The following MUC5AC variants were observed in gnomAD, a reference collection of about 807,000 sequenced individuals.
MUC5AC encodes mucin-5AC.
A neutral mutation model predicts 169.7 loss-of-function variants in MUC5AC; 158 were observed. That is an observed-to-expected ratio of 0.93 (90% CI 0.82 to 1.06). MUC5AC has a LOEUF of 1.06. Ranked by LOEUF, MUC5AC falls within the 50% of genes least tolerant of loss-of-function variation. The probability of loss-of-function intolerance (pLI) is 0.00; values close to 1 mark genes in which losing one functional copy is unlikely to be tolerated. For missense variants in MUC5AC, 4,359 were observed against 3,089.9 expected, an observed-to-expected ratio of 1.41 and a Z score of -9.74; for synonymous variants, 1,975 against 1,237.0, an observed-to-expected ratio of 1.60 and a Z score of -12.52.
At chr11:1,174,462 G>T in intron 16 of MUC5AC, 34 bp from the exon 17 acceptor site, 1 of 1,337,084 alleles carries the variant, frequency 7.5e-7, no homozygotes, top group Non-Finnish European at 1.0e-6. Flanking sequence ...GTGGGCTGGG[G>T]TCTCTGATGC....
At position 1,182,197 on chromosome 11, in the gene MUC5AC, C is replaced by A. The variant is rs1400083141; in HGVS notation, c.4052C>A (p.Ala1351Glu). The change falls in exon 31 of 49, where the codon GCG becomes GAG. Residue 1351 changes from alanine to glutamate, a missense_variant. Physicochemically the swap from Ala to Glu is moderately radical, Grantham distance 107. Coordinates refer to ENST00000621226, the MANE Select transcript of MUC5AC (RefSeq NM_001304359.2). ...THTPSNGPSS[A>E]HTGPPSSAWP... ...ACCCCCAGCAATGGCCCAAGCAGCG[C>A]GCACACAGGCCCTCCGAGCAGCGCC... 1 of 398,604 alleles carries A rather than the reference C, an allele frequency of 2.5e-6. No individual in the cohort carries two copies. Among genetic ancestry groups the A allele is most frequent in the African/African-American group, 2.1e-5 (1 of 48,636 alleles). The allele number at this position is 398,604 out of a possible 1,614,324, so 24.7% of individuals were successfully genotyped here. A position where few individuals can be genotyped will look rare whatever the true frequency, so the allele number is the denominator to read the frequency against.
At chr11:1,158,510 G>A (rs971267001) in intron 1 of MUC5AC, among the ~76,000 whole-genome samples, 13 of 152,226 alleles carry the variant, frequency 8.5e-5, no homozygotes, top group African/African-American at 2.4e-4. Flanking sequence ...TCTGGGCCTC[G>A]ATGGGGATCT....
chr11:1,186,020 A>G lies in MUC5AC; in HGVS notation c.7875A>G (p.Thr2625=), dbSNP rs1411380547. 3.2e-5 allele frequency: 23 copies of G among 728,126 alleles called. No homozygotes were observed. In the East Asian group the frequency reaches 5.8e-4, roughly 18 times the overall value. The allele number at this position is 728,126 out of a possible 1,614,324, so 45.1% of individuals were successfully genotyped here. ...APISSTTSAT[T]TSRISGPETT... is the part of the protein sequence containing the mutation. ...TAAGCAGCACAACCTCTGCCACTAC[A>G]ACCAGCAGAATCTCTGGTCCTGAAA... is the stretch of plus-strand genomic sequence containing the variant. Residue 2625 remains threonine (T), a synonymous_variant, in exon 31 of 49, where the codon ACA becomes ACG. Coordinates refer to ENST00000621226, the MANE Select transcript of MUC5AC (RefSeq NM_001304359.2).
chr11:1,189,484 C>T lies in MUC5AC; in HGVS notation c.11339C>T (p.Thr3780Ile), dbSNP rs1861032775. Residue 3780 changes from threonine to isoleucine, a missense_variant, in exon 31 of 49, where the codon ACA becomes ATA. Transcript: ENST00000621226. ...ACAACCAACACAACCTCTGCCCCTA[C>T]AACTAGCACTACCTCTGCTCCCATA... The part of the protein sequence containing the change: ...APTTNTTSAP[T>I]TSTTSAPITS... 1.7e-6 allele frequency: 1 copy of T among 582,452 alleles called. No homozygotes were observed. The highest frequency in any genetic ancestry group is 1.9e-5 in the African/African-American group (1 of 53,690). The allele number at this position is 582,452 out of a possible 1,614,324, so 36.1% of individuals were successfully genotyped here. A position where few individuals can be genotyped will look rare whatever the true frequency, so the allele number is the denominator to read the frequency against.
rs1457036553 is a variant in MUC5AC, at chr11:1,195,961, G to A, written c.15544G>A (p.Asp5182Asn). 1 of 765,056 alleles carries A rather than the reference G, an allele frequency of 1.3e-6. No individual in the cohort carries two copies. The highest frequency in any genetic ancestry group is 1.3e-5 in the South Asian group (1 of 74,626). 47.4% of individuals were successfully genotyped at this position (765,056 alleles called of 1,614,324 possible). Residue 5182 changes from aspartate to asparagine, a missense_variant, in exon 37 of 49, where the codon GAT (aspartate) becomes AAT (asparagine). By Grantham distance (23) the Asp-to-Asn change is conservative. Coordinates refer to ENST00000621226, the MANE Select transcript of MUC5AC (RefSeq NM_001304359.2). ...VFDRCHMTDLDVVCSSLELYA... is the reference protein window; with the variant it reads ...VFDRCHMTDLNVVCSSLELYA... Reference sequence around the variant, plus strand: ...TGACCGGTGCCACATGACGGACCTGGATGTGGTGTGCTCCAGCCTGGAGCT... The same window carrying A: ...TGACCGGTGCCACATGACGGACCTGAATGTGGTGTGCTCCAGCCTGGAGCT...
chr11:1,196,867 C>T lies in MUC5AC; in HGVS notation c.15830-10C>T, dbSNP rs751506769. On this transcript the variant is annotated splice_polypyrimidine_tract_variant and intron_variant, in intron 39 of 48. Transcript: ENST00000621226. Reference sequence around the variant, plus strand: ...TGACCCCCAGTAACCTCAGATCTCTCTCCTTCCAGGGTGTCTGGGGCCCCA... The same window carrying T: ...TGACCCCCAGTAACCTCAGATCTCTTTCCTTCCAGGGTGTCTGGGGCCCCA... The T allele has an allele frequency of 1.3e-5, 10 of 762,752 alleles. No homozygotes were observed. The highest frequency in any genetic ancestry group is 2.4e-5 in the Non-Finnish European group (10 of 417,054). 47.2% of individuals were successfully genotyped at this position (762,752 alleles called of 1,614,324 possible). A position where few individuals can be genotyped will look rare whatever the true frequency, so the allele number is the denominator to read the frequency against.
At chr11:1,196,971 G>A in intron 40 of MUC5AC, 63 bp downstream of exon 40, 1 of 727,904 alleles carries the variant, frequency 1.4e-6, no homozygotes, top group Non-Finnish European at 2.5e-6. Context: ...GGAGGCTCTT[G>A]AAACACCGGC....
At chr11:1,178,896 C>G (rs904613162) in intron 25 of MUC5AC, among the ~76,000 whole-genome samples, 196 bp from the exon 26 acceptor site, 4 of 152,196 alleles carry the variant, frequency 2.6e-5, no homozygotes, top group Non-Finnish European at 5.9e-5. Flanking sequence ...GGGGTGTTAA[C>G]CCCAAGGGCT....
chr11:1,198,943 G>GA lies in MUC5AC; in HGVS notation c.16244dup (p.Asp5415GlufsTer8). On this transcript the variant is annotated frameshift_variant, in exon 44 of 49. Coordinates refer to ENST00000621226, the MANE Select transcript of MUC5AC (RefSeq NM_001304359.2). LOFTEE classifies it high-confidence loss of function. Reference sequence around the variant, plus strand: ...TGAGCTGCCGGGTGGCCCCCCATCGGACGCGTTTGTGGTCAGCTGTGAGAC... The same window carrying GA: ...TGAGCTGCCGGGTGGCCCCCCATCGGAACGCGTTTGTGGTCAGCTGTGAGAC... 1.3e-6 allele frequency: 1 copy of GA among 763,288 alleles called. No individual in the cohort carries two copies. The highest frequency in any genetic ancestry group is 1.3e-5 in the South Asian group (1 of 74,216). The allele number at this position is 763,288 out of a possible 1,614,324, so 47.3% of individuals were successfully genotyped here. A position where few individuals can be genotyped will look rare whatever the true frequency, so the allele number is the denominator to read the frequency against.
At position 1,181,150 on chromosome 11, in the gene MUC5AC, AG is replaced by A. The variant is rs1484714590; in HGVS notation, c.3789del (p.Glu1263AspfsTer76). The A allele has an allele frequency of 7.5e-6, 3 of 398,362 alleles. No individual in the cohort carries two copies. Among genetic ancestry groups the A allele is most frequent in the African/African-American group, 6.2e-5 (3 of 48,574 alleles). 24.7% of individuals were successfully genotyped at this position (398,362 alleles called of 1,614,324 possible). On this transcript the variant is annotated frameshift_variant, in exon 29 of 49. Coordinates refer to ENST00000621226, the MANE Select transcript of MUC5AC (RefSeq NM_001304359.2). LOFTEE classifies it high-confidence loss of function. ...TTCCTTGTCTCCAGCCTTTGTACGG[AG>A]CGCGGCGTGGAGTGCACCTACAAAG... The part of the protein sequence containing the change: ...DKNCQSCLCT[E>X]RGVECTYKAE...
rs1860983365 is a variant in MUC5AC at position 1,187,541 on chromosome 11, A to C, written c.9396A>C (p.Thr3132=). 2.7e-6 allele frequency: 2 copies of C among 751,254 alleles called. No individual in the cohort carries two copies. The highest frequency in any genetic ancestry group is 3.4e-5 in the African/African-American group (2 of 58,528). 46.5% of individuals were successfully genotyped at this position (751,254 alleles called of 1,614,324 possible). A position where few individuals can be genotyped will look rare whatever the true frequency, so the allele number is the denominator to read the frequency against. Residue 3132 remains threonine (T), a synonymous_variant, in exon 31 of 49, where the codon ACA becomes ACC. Coordinates refer to ENST00000621226, the MANE Select transcript of MUC5AC (RefSeq NM_001304359.2). ...TTPSPIPTTS[T]TSPPTTSTTS... is the part of the protein sequence containing the mutation. ...CCAGCCCTATTCCTACCACCAGCACAACCTCTCCTCCTACAACCAGCACAA... is the reference window on the plus strand; with the variant it reads ...CCAGCCCTATTCCTACCACCAGCACCACCTCTCCTCCTACAACCAGCACAA...
chr11:1,179,074 A>G lies in MUC5AC; in HGVS notation c.3328-18A>G, dbSNP rs1860750611. 2.0e-6 allele frequency: 1 copy of G among 508,444 alleles called. No individual in the cohort carries two copies. Among genetic ancestry groups the G allele is most frequent in the South Asian group, 3.0e-5 (1 of 33,304 alleles). The allele number at this position is 508,444 out of a possible 1,614,324, so 31.5% of individuals were successfully genotyped here. A position where few individuals can be genotyped will look rare whatever the true frequency, so the allele number is the denominator to read the frequency against. On this transcript the variant is annotated intron_variant, in intron 25 of 48. Transcript: ENST00000621226. ...GTGGTGGGGGGGTCCCTGGAACCTG[A>G]AGCCCCGTCTCCCTCAGGTGGAGCC...
At chr11:1,193,760 A>G (rs1564918196) in intron 33 of MUC5AC, 101 bp downstream of exon 33, 1 of 684,980 alleles carries the variant, frequency 1.5e-6, no homozygotes, top group Non-Finnish European at 2.7e-6. Flanking sequence ...TGAAGCAGAA[A>G]AGAATTGGGT....
At position 1,189,412 on chromosome 11, in the gene MUC5AC, C is replaced by T; in HGVS notation, c.11267C>T (p.Pro3756Leu). 1.7e-6 allele frequency: 1 copy of T among 574,710 alleles called. No individual in the cohort carries two copies. The highest frequency in any genetic ancestry group is 3.1e-6 in the Non-Finnish European group (1 of 324,504). The allele number at this position is 574,710 out of a possible 1,614,324, so 35.6% of individuals were successfully genotyped here. A position where few individuals can be genotyped will look rare whatever the true frequency, so the allele number is the denominator to read the frequency against. Residue 3756 changes from proline to leucine, a missense_variant, in exon 31 of 49, where the codon CCC (proline) becomes CTC (leucine). Physicochemically the swap from Pro to Leu is moderately conservative, Grantham distance 98. Coordinates refer to ENST00000621226, the MANE Select transcript of MUC5AC (RefSeq NM_001304359.2). ...CCTACAACCAGCACAACCTCTGCTCCCACAGCCAGCACAACGTCAGCTCCT... is the reference window on the plus strand; with the variant it reads ...CCTACAACCAGCACAACCTCTGCTCTCACAGCCAGCACAACGTCAGCTCCT... ...SAPTTSTTSA[P>L]TASTTSAPTS... is the part of the protein sequence containing the mutation.
In MUC5AC at chr11:1,190,936, G is replaced by T. The variant is rs1861076472; in HGVS notation, c.12791G>T (p.Ser4264Ile). The T allele has an allele frequency of 4.1e-5, 30 of 738,230 alleles. No homozygotes were observed. The South Asian group carries it at 4.2e-4, about 10-fold the overall frequency. 45.7% of individuals were successfully genotyped at this position (738,230 alleles called of 1,614,324 possible). A position where few individuals can be genotyped will look rare whatever the true frequency, so the allele number is the denominator to read the frequency against. ...GTTPSPVPST[S>I]TTSAATTSTT... ...ACTCCAAGCCCTGTTCCCAGCACCA[G>T]TACAACCTCTGCTGCTACAACCAGC... The change falls in exon 31 of 49, where the codon AGT becomes ATT. Residue 4264 changes from serine (S) to isoleucine (I), a missense_variant. Coordinates refer to ENST00000621226, the MANE Select transcript of MUC5AC (RefSeq NM_001304359.2).
Position 1,175,368 on chromosome 11 carries a change from G to A in MUC5AC, c.2401+98G>A, listed in dbSNP as rs938130172. On this transcript the variant is annotated intron_variant, in intron 19 of 48. Coordinates refer to ENST00000621226, the MANE Select transcript of MUC5AC (RefSeq NM_001304359.2). ...AGGGTTAGCCCCACCACAAGTCAGCGGGGCTGGTGGTTGTCCATCAGCTGC... is the reference window on the plus strand; with the variant it reads ...AGGGTTAGCCCCACCACAAGTCAGCAGGGCTGGTGGTTGTCCATCAGCTGC... 5.5e-3 allele frequency: 2,189 copies of A among 398,282 alleles called. 77 individuals are homozygous for A. The East Asian group carries it at 0.076, about 14-fold the overall frequency. The allele number at this position is 398,282 out of a possible 1,614,324, so 24.7% of individuals were successfully genotyped here.
In MUC5AC at chr11:1,195,908, C is replaced by G. The variant is rs1037104720; in HGVS notation, c.15491C>G (p.Pro5164Arg). The G allele has an allele frequency of 7.8e-6, 6 of 764,866 alleles. No individual in the cohort carries two copies. The highest frequency in any genetic ancestry group is 1.4e-5 in the Non-Finnish European group (6 of 417,790). 47.4% of individuals were successfully genotyped at this position (764,866 alleles called of 1,614,324 possible). Residue 5164 changes from proline to arginine, a missense_variant, in exon 37 of 49, where the codon CCA becomes CGA. Physicochemically the swap from Pro to Arg is moderately radical, Grantham distance 103. Coordinates refer to ENST00000621226, the MANE Select transcript of MUC5AC (RefSeq NM_001304359.2). ...VFEPCHTVIP[P>R]LLFYEGCVFD... The stretch of plus-strand genomic sequence containing the variant: ...GAGCCGTGCCACACTGTGATCCCCC[C>G]ACTGCTGTTCTATGAGGGCTGCGTC...
rs1860988440 is a variant in MUC5AC, at chr11:1,187,688, C to T, written c.9543C>T (p.Thr3181=). The change falls in exon 31 of 49, where the codon ACC becomes ACT. Residue 3181 remains threonine, a synonymous_variant. Transcript: ENST00000621226. ...CTTCTGCCTCTACAACCAGCACAAC[C>T]CCTGGTCCTGGAACCACTCCCAGCC... ...STTSASTTST[T]PGPGTTPSPV... 26 of 764,968 alleles carry T rather than the reference C, an allele frequency of 3.4e-5. No homozygotes were observed. Among genetic ancestry groups the T allele is most frequent in the South Asian group, 3.4e-4 (25 of 74,590 alleles). The allele number at this position is 764,968 out of a possible 1,614,324, so 47.4% of individuals were successfully genotyped here. A position where few individuals can be genotyped will look rare whatever the true frequency, so the allele number is the denominator to read the frequency against.
At chr11:1,159,207 G>A (rs1438523145) in intron 1 of MUC5AC, among the ~76,000 whole-genome samples, 1 of 152,070 alleles carries the variant, frequency 6.6e-6, no homozygotes, top group East Asian at 1.9e-4. Flanking sequence ...GAGGGCGAGG[G>A]GGGTCTCCCA....
Sources: allele counts gnomAD v4.1 joint callset (sites outside exome capture counted in the v4.1 genomes callset), GRCh38; gene constraint gnomAD v4.1.1; transcripts MANE v1.5; gene names NCBI Gene and HGNC (gene_info 2026-07-23, HGNC 2026-07-21).